Variants in BCAR1 observed in about 807,000 individuals in gnomAD.
BCAR1 encodes BCAR1 scaffold protein, Cas family member.
A neutral mutation model predicts 67.6 loss-of-function variants in BCAR1; 30 were observed. The ratio of observed to expected loss-of-function variants is 0.44; its 90% CI spans 0.33 to 0.60. BCAR1 has a LOEUF of 0.60. Ranked by LOEUF, BCAR1 falls within the 20% of genes least tolerant of loss-of-function variation. BCAR1 has a pLI of 0.02. For missense variants in BCAR1, 1,313 were observed against 1,222.3 expected (o/e 1.07, Z -1.11); for synonymous variants, 626 against 556.7 (o/e 1.12, Z -1.75).
At chr16:75,244,752 T>A (rs1597235911) in intron 1 of BCAR1, among the ~76,000 whole-genome samples, 2 of 152,010 alleles carry the variant, frequency 1.3e-5, no homozygotes, top group Admixed American at 1.3e-4. Flanking sequence ...CAGGCCCAGG[T>A]GGAGTCATAT....
At chr16:75,245,503 C>G (rs1010377906) in intron 1 of BCAR1, among the ~76,000 whole-genome samples, 1 of 152,222 alleles carries the variant, frequency 6.6e-6, no homozygotes, top group Admixed American at 6.5e-5. Flanking sequence ...AGGCCGGGGG[C>G]TCTGTGGAGG....
intron 1 of BCAR1, among the ~76,000 whole-genome samples, chr16:75,257,613 C>T (rs1231952369): frequency 6.6e-6 from 1 of 152,212 alleles, no homozygotes; most frequent in African/African-American, 2.4e-5. Flanking sequence ...CACCGCCATG[C>T]CTGGCTAATT....
intron 5 of BCAR1, among the ~76,000 whole-genome samples, chr16:75,234,269 G>A (rs1279250190): frequency 2.6e-5 from 4 of 151,906 alleles, no homozygotes; most frequent in African/African-American, 4.8e-5. Context: ...ACACAGAGAA[G>A]GTGGCTTCCT....
At chr16:75,254,319 G>A (rs909264006), upstream of BCAR1, among the ~76,000 whole-genome samples, 5 of 152,124 alleles carry the variant, frequency 3.3e-5, no homozygotes, top group Admixed American at 2.0e-4. Flanking sequence ...AAAAGGACAG[G>A]CAACTGAGAC....
chr16:75,241,486 G>A (rs2077339328), intron 2 of BCAR1, among the ~76,000 whole-genome samples: 1 of 152,078 alleles, frequency 6.6e-6, no homozygotes, highest in South Asian at 2.1e-4. Flanking sequence ...TGCTCCTCTT[G>A]CTAAAGCCAG....
intron 1 of BCAR1, chr16:75,250,606 T>A: frequency 1.0e-6 from 1 of 982,580 alleles, no homozygotes; most frequent in Non-Finnish European, 1.2e-6. Context: ...CCCAACATCT[T>A]CCAGGCCGTA....
At chr16:75,237,489 A>C (rs1597200334) in intron 2 of BCAR1, 145 bp from the exon 3 acceptor site, 1 of 995,226 alleles carries the variant, frequency 1.0e-6, no homozygotes, top group South Asian at 2.3e-5. Context: ...GCCAGTTCTC[A>C]CCCCCTCTGC....
At chr16:75,253,274 T>A (rs904958586), upstream of BCAR1, among the ~76,000 whole-genome samples, 36 of 152,100 alleles carry the variant, frequency 2.4e-4, no homozygotes, top group Admixed American at 4.6e-4. Context: ...AGAGAGCAGG[T>A]CTGAACCAGC....
chr16:75,248,153 C>G (rs368077323), intron 1 of BCAR1: 60 of 1,589,676 alleles, frequency 3.8e-5, no homozygotes, highest in Non-Finnish European at 5.0e-5. Flanking sequence ...GGCTGAGACA[C>G]GGTGGAGCTG....
chr16:75,233,348 G>A (rs1195410714), intron 6 of BCAR1, among the ~76,000 whole-genome samples: 11 of 151,974 alleles, frequency 7.2e-5, no homozygotes, highest in Admixed American at 7.2e-4. Context: ...ACTCTAGCCT[G>A]TGTGACAGAA....
chr16:75,233,769 C>G (rs1376948803), intron 6 of BCAR1, 77 bp downstream of exon 6: 4 of 1,430,394 alleles, frequency 2.8e-6, no homozygotes, highest in Non-Finnish European at 2.8e-6. Context: ...GACCCGGGGT[C>G]GGCCCTGCAG....
chr16:75,233,781 G>T, intron 6 of BCAR1, 65 bp downstream of exon 6: 1 of 1,507,702 alleles, frequency 6.6e-7, no homozygotes. Flanking sequence ...GCCCTGCAGG[G>T]CAAGAGCTGG....
chr16:75,230,311 C>T (rs1275199670), intron 6 of BCAR1, among the ~76,000 whole-genome samples: 3 of 152,142 alleles, frequency 2.0e-5, no homozygotes, highest in East Asian at 3.9e-4. Flanking sequence ...TGCCTGGGGT[C>T]GGGGGGTCAC....
chr16:75,229,731 G>A lies in BCAR1; in HGVS notation c.2393C>T (p.Thr798Ile). Residue 798 changes from threonine to isoleucine, a missense_variant, in exon 7 of 7, where the codon ACA becomes ATA. Around this residue, in one of 2 missense-constraint regions of BCAR1, gnomAD observed 1,272 missense variants for 1,137.5 expected, o/e 1.12. Transcript: ENST00000162330. ...SAHKLVFIGD[T>I]LSRQAKAADV... ...AGCAGCCTTGGCCTGCCGTGACAGTGTGTCCCCGATGAACACCAGCTTGTG... is the reference window on the plus strand; with the variant it reads ...AGCAGCCTTGGCCTGCCGTGACAGTATGTCCCCGATGAACACCAGCTTGTG... 1 of 1,613,326 alleles carries A rather than the reference G, an allele frequency of 6.2e-7. No individual in the cohort carries two copies. The highest frequency in any genetic ancestry group is 8.5e-7 in the Non-Finnish European group (1 of 1,179,960).
chr16:75,263,913 A>C, intron 1 of BCAR1: 1 of 1,068,896 alleles, frequency 9.4e-7, no homozygotes, highest in Non-Finnish European at 1.1e-6. Context: ...TGGCCCCACC[A>C]CCTCACACAC....
chr16:75,258,282 A>C (rs574873525), intron 1 of BCAR1, among the ~76,000 whole-genome samples: 1 of 152,282 alleles, frequency 6.6e-6, no homozygotes, highest in Non-Finnish European at 1.5e-5. Flanking sequence ...CTTGTCTGAG[A>C]GACTGGGGCA....
At chr16:75,236,209 T>TCC (rs1301088833) in intron 4 of BCAR1, 2 of 598,302 alleles carry the variant, frequency 3.3e-6, no homozygotes, top group African/African-American at 3.8e-5. Flanking sequence ...CCTTCACAAT[T>TCC]CCTATCCATG....
rs2077177977 is a variant in BCAR1 at position 75,237,311 on chromosome 16, C to T, written c.667G>A (p.Val223Ile). Reference protein sequence around the residue: ...VVPTRVGQGYVYEAAQPEQDE... With the variant: ...VVPTRVGQGYIYEAAQPEQDE... ...TGCTCCGGCTGGGCGGCCTCGTATA[C>T]ATAGCCCTGCCCCACGCGGGTGGGC... Residue 223 changes from valine to isoleucine, a missense_variant, in exon 3 of 7, where the codon GTA (valine) becomes ATA (isoleucine). Around this residue, in one of 2 missense-constraint regions of BCAR1, gnomAD observed 1,272 missense variants for 1,137.5 expected, o/e 1.12. Coordinates refer to ENST00000162330, the MANE Select transcript of BCAR1 (RefSeq NM_014567.5). 4.0e-6 allele frequency: 6 copies of T among 1,511,218 alleles called. No homozygotes were observed. In the African/African-American group the frequency reaches 4.2e-5, roughly 11 times the overall value. 93.6% of individuals were successfully genotyped at this position (1,511,218 alleles called of 1,614,324 possible).
At chr16:75,240,549 A>T (rs1394814443) in intron 2 of BCAR1, among the ~76,000 whole-genome samples, 1 of 152,228 alleles carries the variant, frequency 6.6e-6, no homozygotes, top group African/African-American at 2.4e-5. Flanking sequence ...AAATCTGTGA[A>T]ACACAGGGCA....
Sources: allele counts gnomAD v4.1 joint callset (sites outside exome capture counted in the v4.1 genomes callset), GRCh38; gene constraint gnomAD v4.1.1; regional missense constraint gnomAD v4.1.1; transcripts MANE v1.5; gene names NCBI Gene and HGNC (gene_info 2026-07-23, HGNC 2026-07-21).